MAML2: variants seen among roughly 807,000 people sequenced by gnomAD.
MAML2 encodes mastermind-like protein 2.
A neutral mutation model predicts 96.1 loss-of-function variants in MAML2; 22 were observed. The observed-to-expected ratio is 0.23, with a 90% CI of 0.16 to 0.33. The LOEUF is 0.33. Ranked by LOEUF, MAML2 falls within the 10% of genes least tolerant of loss-of-function variation. The pLI is 1.00. For missense variants in MAML2, 1,367 were observed against 1,392.4 expected, an observed-to-expected ratio of 0.98 and a Z score of 0.29; for synonymous variants, 561 against 521.3, an observed-to-expected ratio of 1.08 and a Z score of -1.04.
intron 2 of MAML2, among the ~76,000 whole-genome samples, chr11:96,070,180 C>G (rs1371434081): frequency 6.6e-6 from 1 of 151,972 alleles, no homozygotes; most frequent in Non-Finnish European, 1.5e-5. Context: ...GTCCCAGCTA[C>G]TCGGGAGGCT....
chr11:96,289,490 G>C (rs1375785898), intron 1 of MAML2, among the ~76,000 whole-genome samples: 2 of 152,162 alleles, frequency 1.3e-5, no homozygotes, highest in Non-Finnish European at 2.9e-5. Context: ...ATTTGAAATA[G>C]AGTCCAGATT....
chr11:96,005,253 C>T, intron 2 of MAML2, among the ~76,000 whole-genome samples: 1 of 142,714 alleles, frequency 7.0e-6, no homozygotes, highest in Non-Finnish European at 1.5e-5. Flanking sequence ...TCTGCTCTGA[C>T]AATTTTTACT....
chr11:96,149,039 C>T (rs1368524259), intron 1 of MAML2, among the ~76,000 whole-genome samples: 1 of 152,084 alleles, frequency 6.6e-6, no homozygotes, highest in East Asian at 1.9e-4. Flanking sequence ...TTCCAGTAGC[C>T]CTCTGTGACG....
chr11:95,982,817 C>T (rs887133477), intron 4 of MAML2, among the ~76,000 whole-genome samples: 2 of 152,062 alleles, frequency 1.3e-5, no homozygotes, highest in African/African-American at 4.8e-5. Flanking sequence ...TATAGTGGAG[C>T]TGAAAAATTC....
At chr11:96,154,430 T>G (rs1860978052) in intron 1 of MAML2, among the ~76,000 whole-genome samples, 1 of 152,170 alleles carries the variant, frequency 6.6e-6, no homozygotes, top group African/African-American at 2.4e-5. Context: ...CAGGTTCAAT[T>G]TGAGAAATAG....
chr11:96,063,405 C>T (rs12417902), intron 2 of MAML2, among the ~76,000 whole-genome samples: 1 of 152,168 alleles, frequency 6.6e-6, no homozygotes, highest in African/African-American at 2.4e-5. Context: ...CCCACAGTGC[C>T]TGGGGCATGT....
At chr11:96,212,108 AGT>A (rs72133828) in intron 1 of MAML2, among the ~76,000 whole-genome samples, 9,477 of 134,064 alleles carry the variant, frequency 0.071, 463 homozygotes, top group East Asian at 0.25. Context: ...AGGAAGACAA[AGT>A]GTGTGTGTGT....
intron 1 of MAML2, among the ~76,000 whole-genome samples, chr11:96,300,292 A>G (rs1236860742): frequency 1.3e-5 from 2 of 152,226 alleles, no homozygotes; most frequent in East Asian, 1.9e-4. Flanking sequence ...ATCTGCCAGG[A>G]TGATGGCAGG....
intron 2 of MAML2, among the ~76,000 whole-genome samples, chr11:95,995,074 C>G (rs780434226): frequency 6.6e-6 from 1 of 152,196 alleles, no homozygotes; most frequent in African/African-American, 2.4e-5. Flanking sequence ...ACTTACTAAA[C>G]AATAGCTGCT....
chr11:96,093,611 T>C (rs1412837017), intron 1 of MAML2, 94 bp from the exon 2 acceptor site: 1 of 935,792 alleles, frequency 1.1e-6, no homozygotes, highest in Non-Finnish European at 1.6e-6. Flanking sequence ...ATGTTTCTTC[T>C]ATTTACACAC....
At chr11:96,055,252 G>A (rs915193188) in intron 2 of MAML2, among the ~76,000 whole-genome samples, 17 of 152,096 alleles carry the variant, frequency 1.1e-4, no homozygotes, top group Non-Finnish European at 1.9e-4. Flanking sequence ...TACCATGGAC[G>A]CCTAAGAAAA....
chr11:96,338,322 TC>T (rs1565288192), intron 1 of MAML2, among the ~76,000 whole-genome samples: 1 of 152,260 alleles, frequency 6.6e-6, no homozygotes, highest in African/African-American at 2.4e-5. Context: ...AAGGCCCTGT[TC>T]CTGCAGACTC....
chr11:96,335,401 C>T (rs1863908068), intron 1 of MAML2, among the ~76,000 whole-genome samples: 1 of 152,190 alleles, frequency 6.6e-6, no homozygotes, highest in African/African-American at 2.4e-5. Context: ...CTTGTTTGCA[C>T]TGGAAGGCCC....
intron 1 of MAML2, among the ~76,000 whole-genome samples, chr11:96,338,620 T>C (rs1390768501): frequency 6.6e-6 from 1 of 152,228 alleles, no homozygotes. Context: ...CTAGAAGGTA[T>C]GCAGGATACA....
intron 1 of MAML2, among the ~76,000 whole-genome samples, chr11:96,201,918 C>CAA (rs200583617): frequency 4.7e-4 from 66 of 140,456 alleles, no homozygotes; most frequent in Admixed American, 4.0e-3. Flanking sequence ...GACTCCATCT[C>CAA]AAAAAAAAAA....
Position 96,183,980 on chromosome 11 carries a change from T to C in MAML2, c.514-90463A>G, listed in dbSNP as rs920601064. Among the ~76,000 whole-genome samples the C allele has an allele frequency of 2.0e-5, 3 of 152,224 alleles. No homozygotes were observed. The South Asian group carries it at 6.2e-4, about 31-fold the overall frequency. ...CTGCAGGTTTGTTTTGGACCAACTA[T>C]GGAAAAGCTACCTCAAATATGTGGA... On this transcript the variant is annotated intron_variant, in intron 1 of 4. Transcript: ENST00000524717.
intron 2 of MAML2, among the ~76,000 whole-genome samples, chr11:95,997,605 A>G (rs1485245709): frequency 6.6e-6 from 1 of 152,224 alleles, no homozygotes; most frequent in Non-Finnish European, 1.5e-5. Context: ...GGGACTTCTC[A>G]TGAACCTAAA....
At chr11:96,188,700 G>A (rs1488282213) in intron 1 of MAML2, among the ~76,000 whole-genome samples, 1 of 151,594 alleles carries the variant, frequency 6.6e-6, no homozygotes, top group Non-Finnish European at 1.5e-5. Context: ...TTGAGCTGCT[G>A]TAAGATTCAG....
rs187316418 is a variant in MAML2, at chr11:96,089,753, T to C, written c.2139+2139A>G. On this transcript the variant is annotated intron_variant, in intron 2 of 4. Transcript: ENST00000524717. ...ATCTGGAAGGGACAATGTGGTTCAGTCTATAAAGCTGGGATAAAGCTTTAA... is the reference window on the plus strand; with the variant it reads ...ATCTGGAAGGGACAATGTGGTTCAGCCTATAAAGCTGGGATAAAGCTTTAA... 4.5e-4 allele frequency among the ~76,000 whole-genome samples: 69 copies of C among 152,122 alleles called. No individual in the cohort carries two copies. The Middle Eastern group carries it at 0.017, about 37-fold the overall frequency.
Sources: gnomAD v4.1 joint callset for allele counts (sites outside exome capture counted in the v4.1 genomes callset) on GRCh38, gnomAD v4.1.1 for gene constraint, MANE v1.5 for transcripts, NCBI Gene and HGNC (gene_info 2026-07-23, HGNC 2026-07-21) for gene names.